The following SLIT1 variants were observed in gnomAD, a reference collection of about 807,000 sequenced individuals.
SLIT1 encodes slit homolog 1 protein.
In SLIT1, 66 loss-of-function variants were observed where a neutral mutation model predicts 186.1. The ratio of observed to expected loss-of-function variants is 0.35; its 90% CI spans 0.29 to 0.44. SLIT1 has a LOEUF of 0.44. Ranked by LOEUF, SLIT1 falls within the 20% of genes least tolerant of loss-of-function variation. The pLI, the probability that SLIT1 is intolerant of heterozygous loss-of-function variation, is 1.00. For missense variants in SLIT1, 1,638 were observed against 2,037.4 expected (o/e 0.80, Z 3.77); for synonymous variants, 761 against 833.8 (o/e 0.91, Z 1.50).
chr10:97,000,200 C>G lies in SLIT1; in HGVS notation c.*912G>C, dbSNP rs574511660. 6.6e-6 allele frequency: 1 copy of G among 152,538 alleles called. No homozygotes were observed. Among genetic ancestry groups the G allele is most frequent in the Admixed American group, 6.5e-5 (1 of 15,306 alleles). 9.4% of individuals were successfully genotyped at this position (152,538 alleles called of 1,614,324 possible). On this transcript the variant is annotated 3_prime_UTR_variant, in exon 37 of 37. Transcript: ENST00000266058. ...GCTGCTCCCAGGTCAAGCACCCTGG[C>G]CCAGACCCTCACACCCAGTCCCTCT...
At chr10:97,111,482 G>A (rs574325576) in intron 4 of SLIT1, among the ~76,000 whole-genome samples, 1 of 152,216 alleles carries the variant, frequency 6.6e-6, no homozygotes, top group African/African-American at 2.4e-5. Context: ...ACAAGGCCAG[G>A]GTCATCAAGC....
At chr10:97,059,055 C>T (rs898878507) in intron 11 of SLIT1, among the ~76,000 whole-genome samples, 1 of 152,154 alleles carries the variant, frequency 6.6e-6, no homozygotes, top group Non-Finnish European at 1.5e-5. Flanking sequence ...GATGTCACAA[C>T]TGGAGCTGGT....
chr10:97,088,969 C>T (rs1849198670), intron 4 of SLIT1, among the ~76,000 whole-genome samples: 1 of 152,110 alleles, frequency 6.6e-6, no homozygotes. Context: ...GAGCAGTGGC[C>T]AAACAGAAGC....
intron 4 of SLIT1, among the ~76,000 whole-genome samples, chr10:97,087,905 G>A (rs1263280245): frequency 5.3e-5 from 8 of 152,114 alleles, no homozygotes; most frequent in Admixed American, 4.6e-4. Flanking sequence ...GCTACCCAAA[G>A]TTTGCTAAGA....
At chr10:97,059,420 T>C (rs2134635854) in intron 11 of SLIT1, 40 bp downstream of exon 11, 1 of 1,550,160 alleles carries the variant, frequency 6.5e-7, no homozygotes, top group Non-Finnish European at 8.9e-7. Context: ...CCTCAGGGGA[T>C]GCCCTGGGCC....
chr10:97,181,933 T>C (rs1243504220), intron 1 of SLIT1, among the ~76,000 whole-genome samples: 1 of 152,086 alleles, frequency 6.6e-6, no homozygotes, highest in Non-Finnish European at 1.5e-5. Flanking sequence ...TTTTTTAAAT[T>C]AAAAACCAAG....
intron 1 of SLIT1, among the ~76,000 whole-genome samples, chr10:97,182,195 A>T (rs926739143): frequency 6.6e-6 from 1 of 152,006 alleles, no homozygotes; most frequent in Non-Finnish European, 1.5e-5. Context: ...GGCCTACCCA[A>T]CCTCTTTCCA....
At chr10:97,035,492 G>A (rs982508233) in intron 22 of SLIT1, among the ~76,000 whole-genome samples, 5 of 152,080 alleles carry the variant, frequency 3.3e-5, no homozygotes, top group Admixed American at 6.5e-5. Context: ...CATCTGATCC[G>A]CCCCTGGCTG....
chr10:97,061,521 C>T (rs781665351), intron 8 of SLIT1, among the ~76,000 whole-genome samples: 8 of 152,192 alleles, frequency 5.3e-5, no homozygotes, highest in Non-Finnish European at 7.3e-5. Context: ...TTGTTCTGCT[C>T]GTTTACGAAC....
intron 4 of SLIT1, among the ~76,000 whole-genome samples, chr10:97,096,796 C>T (rs987947514): frequency 2.0e-5 from 3 of 152,104 alleles, no homozygotes; most frequent in Admixed American, 6.5e-5. Context: ...AATCAGGGCA[C>T]GTGGTGTGAT....
intron 13 of SLIT1, 122 bp from the exon 14 acceptor site, chr10:97,049,240 G>A (rs1316239754): frequency 8.7e-7 from 1 of 1,147,672 alleles, no homozygotes; most frequent in Non-Finnish European, 1.2e-6. Context: ...GGAGCCTAGG[G>A]TCAGCCACGG....
At position 97,043,430 on chromosome 10, in the gene SLIT1, T is replaced by C. The variant is rs765803525; in HGVS notation, c.1937A>G (p.Asp646Gly). Residue 646 changes from aspartate to glycine, a missense_variant, in exon 19 of 37, where the codon GAC becomes GGC. By Grantham distance (94) the Asp-to-Gly change is moderately conservative (BLOSUM62 -1). Transcript: ENST00000266058. The surrounding 1 kb of genome is among the most constrained non-coding windows in gnomAD (Gnocchi z 7.0). ...TGGGGATACGGTGGTGATCTGGTTG[T>C]CGTAGAGCGAGAGGAGCCGGACGTT... ...LRNVRLLSLY[D>G]NQITTVSPGA... The C allele has an allele frequency of 6.2e-7, 1 of 1,613,904 alleles. No homozygotes were observed. The highest frequency in any genetic ancestry group is 1.1e-5 in the South Asian group (1 of 91,064).
chr10:97,180,931 A>T (rs767718969), intron 1 of SLIT1, among the ~76,000 whole-genome samples: 1 of 152,222 alleles, frequency 6.6e-6, no homozygotes, highest in Non-Finnish European at 1.5e-5. Flanking sequence ...CTGTAGCATG[A>T]GTGAGTGCAC....
At chr10:97,029,466 A>G (rs61034487) in intron 25 of SLIT1, among the ~76,000 whole-genome samples, 17,675 of 152,182 alleles carry the variant, frequency 0.12, 1,806 homozygotes, top group African/African-American at 0.27. Flanking sequence ...GGTGCCAGGC[A>G]GAGTCCACGT....
intron 1 of SLIT1, among the ~76,000 whole-genome samples, chr10:97,179,800 T>TCCCCCCCCCCCCCCCCCCCCCCACCC (rs150754287): frequency 7.9e-6 from 1 of 126,384 alleles, no homozygotes; most frequent in Non-Finnish European, 1.8e-5. Context: ...CTCCACACCC[T>TCCCCCCCCCCCCCCCCCCCCCCACCC]CCCCGCCCCC....
intron 4 of SLIT1, among the ~76,000 whole-genome samples, chr10:97,109,193 C>T (rs112794545): frequency 6.6e-5 from 9 of 136,046 alleles, no homozygotes; most frequent in Non-Finnish European, 1.3e-4. Context: ...CACCAAAAAG[C>T]AAAAGAAAAA....
rs937454659 is a variant in SLIT1, at chr10:97,012,139, C to T, written c.3204-1009G>A. ...ACACACACACACACACGCACACATT[C>T]GAAACCAGATTCATACAACAATACT... On this transcript the variant is annotated intron_variant, in intron 30 of 36. Transcript: ENST00000266058. Among the ~76,000 whole-genome samples, 6 of 148,494 alleles carry T rather than the reference C, an allele frequency of 4.0e-5. No individual in the cohort carries two copies. The East Asian group carries it at 8.0e-4, about 20-fold the overall frequency.
chr10:97,157,855 C>T lies in SLIT1; in HGVS notation c.376G>A (p.Glu126Lys), dbSNP rs1271205381. Reference protein sequence around the residue: ...LNRNQLHMLPELLFQNNQALS... With the variant: ...LNRNQLHMLPKLLFQNNQALS... ...GCCTGGTTGTTCTGGAACAGCAGTT[C>T]CGGTAACATGTGCAGCTGGTTTCGG... The change falls in exon 4 of 37, where the codon GAA becomes AAA. Residue 126 changes from glutamate to lysine, a missense_variant. Glu to Lys is a moderately conservative substitution (Grantham distance 56). Transcript: ENST00000266058. The T allele has an allele frequency of 6.2e-7, 1 of 1,613,904 alleles. No homozygotes were observed.
At chr10:97,159,313 C>A (rs1274686632) in intron 3 of SLIT1, among the ~76,000 whole-genome samples, 12 of 152,200 alleles carry the variant, frequency 7.9e-5, no homozygotes, top group Non-Finnish European at 1.8e-4. Flanking sequence ...ATTAAGTCAA[C>A]TTTTGCAGAC....
Sources: gnomAD v4.1 joint callset for allele counts (sites outside exome capture counted in the v4.1 genomes callset) on GRCh38, gnomAD v4.1.1 for gene constraint, Gnocchi (gnomAD v3.1) non-coding constraint, MANE v1.5 for transcripts, NCBI Gene and HGNC (gene_info 2026-07-23, HGNC 2026-07-21) for gene names.